Variants in PLXNA4 observed in about 807,000 individuals in gnomAD.
PLXNA4 encodes plexin-A4.
PLXNA4 carries 44 observed loss-of-function variants against 191.8 expected under a neutral mutation model. That is an observed-to-expected ratio of 0.23 (90% confidence interval 0.18 to 0.29). PLXNA4 has a LOEUF of 0.29. Ranked by LOEUF, PLXNA4 falls within the 10% of genes least tolerant of loss-of-function variation. The pLI, the probability that PLXNA4 is intolerant of heterozygous loss-of-function variation, is 1.00. For missense variants in PLXNA4, 1,800 were observed against 2,488.8 expected (o/e 0.72, Z 5.89); for synonymous variants, 1,082 against 1,009.5 (o/e 1.07, Z -1.36).
intron 2 of PLXNA4, among the ~76,000 whole-genome samples, chr7:132,640,654 T>C (rs983915682): frequency 2.6e-5 from 4 of 152,170 alleles, no homozygotes; most frequent in Admixed American, 2.0e-4. Flanking sequence ...GAAAAATCAA[T>C]GTTTTTCAGT....
At chr7:132,226,739 G>C (rs1798338499) in intron 7 of PLXNA4, among the ~76,000 whole-genome samples, 2 of 152,210 alleles carry the variant, frequency 1.3e-5, no homozygotes, top group Admixed American at 1.3e-4. Flanking sequence ...GCTCCACCGG[G>C]GCGGGAGACC....
At chr7:132,160,776 G>A (rs1049811234) in intron 24 of PLXNA4, among the ~76,000 whole-genome samples, 5 of 152,170 alleles carry the variant, frequency 3.3e-5, no homozygotes, top group Non-Finnish European at 7.3e-5. Context: ...CTGGTTTGCA[G>A]AGCCAGACAG....
At chr7:132,352,835 A>G (rs1680774026) in intron 3 of PLXNA4, among the ~76,000 whole-genome samples, 1 of 152,342 alleles carries the variant, frequency 6.6e-6, no homozygotes, top group East Asian at 1.9e-4. Context: ...CCTTTGCTGT[A>G]CAAATTTCAG....
chr7:132,269,884 G>C (rs1799998895), intron 4 of PLXNA4, among the ~76,000 whole-genome samples: 1 of 152,126 alleles, frequency 6.6e-6, no homozygotes, highest in South Asian at 2.1e-4. Context: ...CCTGCAGAGG[G>C]GAGAGGGAGC....
intron 2 of PLXNA4, among the ~76,000 whole-genome samples, chr7:132,619,917 C>T (rs949493174): frequency 5.9e-5 from 9 of 152,252 alleles, no homozygotes; most frequent in Admixed American, 3.3e-4. Context: ...TCTCCTGCCT[C>T]AGCCTCCTGA....
chr7:132,602,700 C>G (rs1230392693), intron 2 of PLXNA4, among the ~76,000 whole-genome samples: 1 of 152,148 alleles, frequency 6.6e-6, no homozygotes, highest in Non-Finnish European at 1.5e-5. Context: ...GGACCTGCCT[C>G]CCATCTTAGC....
At chr7:132,369,199 A>G (rs1202030307) in intron 3 of PLXNA4, among the ~76,000 whole-genome samples, 1 of 152,212 alleles carries the variant, frequency 6.6e-6, no homozygotes, top group African/African-American at 2.4e-5. Context: ...GGGCAAAATC[A>G]GCAGCAGAGA....
intron 4 of PLXNA4, among the ~76,000 whole-genome samples, chr7:132,287,713 G>GA (rs1800735003): frequency 6.6e-6 from 1 of 152,094 alleles, no homozygotes; most frequent in Admixed American, 6.5e-5. Context: ...ACGTCAGTCA[G>GA]AAAAAAACAG....
intron 3 of PLXNA4, among the ~76,000 whole-genome samples, chr7:132,393,914 C>T (rs1319620224): frequency 1.3e-5 from 2 of 151,990 alleles, no homozygotes; most frequent in African/African-American, 2.4e-5. Context: ...TGCCAACTTA[C>T]GACAAGACTT....
intron 3 of PLXNA4, among the ~76,000 whole-genome samples, chr7:132,337,552 A>G (rs1802867931): frequency 6.6e-6 from 1 of 152,236 alleles, no homozygotes; most frequent in African/African-American, 2.4e-5. Flanking sequence ...TTCCGCAGTC[A>G]ACTACACCCT....
chr7:132,127,542 T>TATC lies in PLXNA4; in HGVS notation c.*2934_*2936dup, dbSNP rs1442453865. 1.4e-4 allele frequency: 21 copies of TATC among 152,150 alleles called. No individual in the cohort carries two copies. The highest frequency in any genetic ancestry group is 7.9e-4 in the Admixed American group (12 of 15,270). 9.4% of individuals were successfully genotyped at this position (152,150 alleles called of 1,614,324 possible). ...TGCTTGTCTTTGCTTTTAAATACCA[T>TATC]ATCACACGTGCACCAAGAATCCAAA... On this transcript the variant is annotated 3_prime_UTR_variant, in exon 32 of 32. Coordinates refer to ENST00000321063, the MANE Select transcript of PLXNA4 (RefSeq NM_020911.2).
intron 4 of PLXNA4, among the ~76,000 whole-genome samples, chr7:132,259,482 G>GAAAAAAAAAAAA (rs1414792493): frequency 1.8e-4 from 20 of 111,366 alleles, no homozygotes; most frequent in African/African-American, 3.2e-4. Flanking sequence ...AAGAAAAAAG[G>GAAAAAAAAAAAA]AAAAAAGAAA....
intron 3 of PLXNA4, chr7:132,385,317 C>CAGACTT: frequency 6.2e-7 from 1 of 1,600,620 alleles, no homozygotes; most frequent in Non-Finnish European, 8.5e-7. Context: ...GAAACCTTAG[C>CAGACTT]AGACTTAGAC....
chr7:132,450,251 G>A (rs1447305312), intron 3 of PLXNA4, among the ~76,000 whole-genome samples: 1 of 152,114 alleles, frequency 6.6e-6, no homozygotes, highest in African/African-American at 2.4e-5. Context: ...CTGTGTTTGT[G>A]GATCTCAGAA....
At chr7:132,206,563 C>G (rs983962305) in intron 10 of PLXNA4, among the ~76,000 whole-genome samples, 1 of 152,088 alleles carries the variant, frequency 6.6e-6, no homozygotes, top group Non-Finnish European at 1.5e-5. Context: ...CTTTCTCTTT[C>G]TCTCCCCCAA....
rs2116487373 is a variant in PLXNA4, at chr7:132,130,297, GGAAGA to G, written c.*177_*181del. ...GTCCAATCGTGTTGGCAGAGCAACT[GGAAGA>G]GAAGAGATCCAGGAAGGAGGGAGAA... On this transcript the variant is annotated 3_prime_UTR_variant, in exon 32 of 32. Transcript: ENST00000321063. 1.2e-6 allele frequency: 1 copy of G among 846,508 alleles called. No homozygotes were observed. Among genetic ancestry groups the G allele is most frequent in the East Asian group, 2.9e-5 (1 of 34,886 alleles). The allele number at this position is 846,508 out of a possible 1,614,324, so 52.4% of individuals were successfully genotyped here.
intron 29 of PLXNA4, among the ~76,000 whole-genome samples, chr7:132,141,417 G>C (rs1027020603): frequency 6.6e-6 from 1 of 152,168 alleles, no homozygotes; most frequent in Non-Finnish European, 1.5e-5. Flanking sequence ...GGGCCCCATC[G>C]TATTCCCTCC....
intron 3 of PLXNA4, among the ~76,000 whole-genome samples, chr7:132,483,832 T>G (rs1797436319): frequency 6.6e-6 from 1 of 152,220 alleles, no homozygotes; most frequent in Admixed American, 6.5e-5. Context: ...GAGAAACTCT[T>G]TGCTGGGATT....
At chr7:132,276,096 C>G (rs1370410543) in intron 4 of PLXNA4, among the ~76,000 whole-genome samples, 1 of 152,166 alleles carries the variant, frequency 6.6e-6, no homozygotes, top group Admixed American at 6.5e-5. Flanking sequence ...CTGGAAGAAG[C>G]TGTCTTGGTT....
Sources: allele counts gnomAD v4.1 joint callset (sites outside exome capture counted in the v4.1 genomes callset), GRCh38; gene constraint gnomAD v4.1.1; transcripts MANE v1.5; gene names NCBI Gene and HGNC (gene_info 2026-07-23, HGNC 2026-07-21).